Variants in ENTREP2 observed in about 807,000 individuals in gnomAD.
ENTREP2 encodes the protein protein ENTREP2.
chr15:29,592,656 CT>C, the ENTREP2 span, among the ~76,000 whole-genome samples: 1 of 152,168 alleles, frequency 6.6e-6, no homozygotes, highest in Non-Finnish European at 1.5e-5. Context: ...GATGTTTCAC[CT>C]CTTCAAACCT....
the ENTREP2 span, among the ~76,000 whole-genome samples, chr15:29,401,174 T>C: frequency 6.6e-6 from 1 of 152,168 alleles, no homozygotes; most frequent in Non-Finnish European, 1.5e-5. Context: ...TGGTTTTTAA[T>C]GTAGCATTAT....
the ENTREP2 span, among the ~76,000 whole-genome samples, chr15:29,491,116 C>G: frequency 6.6e-6 from 1 of 152,186 alleles, no homozygotes; most frequent in Admixed American, 6.5e-5. Context: ...GCTGGTGGCC[C>G]AGGTACTAAG....
chr15:29,269,386 T>C, the ENTREP2 span: 3 of 1,614,196 alleles, frequency 1.9e-6, no homozygotes, highest in Non-Finnish European at 2.5e-6. Flanking sequence ...GTCGGCCCGC[T>C]TGATCGGAAT....
chr15:29,123,599 C>T, the ENTREP2 span: 1 of 1,551,652 alleles, frequency 6.4e-7, no homozygotes. Context: ...GTATCTGGGT[C>T]CCCCGCTGGT....
At chr15:29,581,681 G>T in the ENTREP2 span, among the ~76,000 whole-genome samples, 1 of 151,598 alleles carries the variant, frequency 6.6e-6, no homozygotes, top group Non-Finnish European at 1.5e-5. Context: ...TAGGTTTACT[G>T]CAATTCCTAT....
At chr15:29,130,113 C>G in the ENTREP2 span, among the ~76,000 whole-genome samples, 1 of 152,186 alleles carries the variant, frequency 6.6e-6, no homozygotes, top group African/African-American at 2.4e-5. Flanking sequence ...GGGCTGCAGC[C>G]TTCCCACCCA....
chr15:29,386,586 G>C, the ENTREP2 span, among the ~76,000 whole-genome samples: 13 of 152,176 alleles, frequency 8.5e-5, no homozygotes, highest in Admixed American at 8.5e-4. Context: ...ACAATTGTTA[G>C]GGACTAAATG....
the ENTREP2 span, among the ~76,000 whole-genome samples, chr15:29,389,922 T>C: frequency 6.6e-6 from 1 of 152,170 alleles, no homozygotes; most frequent in Admixed American, 6.5e-5. Flanking sequence ...CCCTCCCTGA[T>C]ACCGGAAACA....
the ENTREP2 span, among the ~76,000 whole-genome samples, chr15:29,657,266 A>G: frequency 1.3e-5 from 2 of 151,284 alleles, no homozygotes; most frequent in Non-Finnish European, 1.5e-5. Context: ...TCACCGTATT[A>G]GCCAGGATGG....
chr15:29,324,505 T>C, the ENTREP2 span, among the ~76,000 whole-genome samples: 1 of 152,176 alleles, frequency 6.6e-6, no homozygotes, highest in African/African-American at 2.4e-5. Context: ...CAACTATATG[T>C]AGTCTACAAA....
chr15:29,584,781 AT>A, the ENTREP2 span, among the ~76,000 whole-genome samples: 21 of 152,302 alleles, frequency 1.4e-4, 1 homozygote, highest in Admixed American at 1.1e-3. Flanking sequence ...TGTATTTTGT[AT>A]TTGAAATTTG....
the ENTREP2 span, among the ~76,000 whole-genome samples, chr15:29,478,019 A>ATATT: frequency 2.4e-3 from 132 of 54,264 alleles, no homozygotes; most frequent in Non-Finnish European, 3.3e-3. Flanking sequence ...ATATATATAT[A>ATATT]TTTTTTTTTT....
At chr15:29,503,302 T>C in the ENTREP2 span, among the ~76,000 whole-genome samples, 3 of 152,292 alleles carry the variant, frequency 2.0e-5, no homozygotes, top group Admixed American at 1.3e-4. Context: ...GGATGAACCT[T>C]GTAAACATTA....
At chr15:29,634,117 C>T in the ENTREP2 span, among the ~76,000 whole-genome samples, 111 of 152,200 alleles carry the variant, frequency 7.3e-4, 1 homozygote, top group African/African-American at 2.4e-3. Flanking sequence ...GCCCTGGAGA[C>T]GAGGTCTTCA....
chr15:29,542,392 G>A, the ENTREP2 span, among the ~76,000 whole-genome samples: 4 of 151,794 alleles, frequency 2.6e-5, no homozygotes, highest in East Asian at 2.0e-4. Flanking sequence ...TCCACTTCCC[G>A]GGTTCACGCC....
chr15:29,218,520 C>G, the ENTREP2 span, among the ~76,000 whole-genome samples: 5 of 152,140 alleles, frequency 3.3e-5, no homozygotes, highest in South Asian at 2.1e-4. Context: ...CAAGACTAAG[C>G]AAAAAGAACA....
the ENTREP2 span, among the ~76,000 whole-genome samples, chr15:29,204,787 A>G: frequency 1.3e-5 from 2 of 152,210 alleles, no homozygotes; most frequent in Non-Finnish European, 2.9e-5. Flanking sequence ...ACAAAGCTAC[A>G]AAAACTAGAC....
the ENTREP2 span, among the ~76,000 whole-genome samples, chr15:29,673,806 G>A: frequency 2.6e-5 from 4 of 152,178 alleles, no homozygotes; most frequent in Non-Finnish European, 2.9e-5. Flanking sequence ...GAATGACAAG[G>A]ACAGCTTGGG....
chr15:29,671,835 A>G, the ENTREP2 span, among the ~76,000 whole-genome samples: 1 of 152,104 alleles, frequency 6.6e-6, no homozygotes, highest in African/African-American at 2.4e-5. Context: ...AGAGGCTGTG[A>G]TCCCCATCAA....
Sources: allele counts gnomAD v4.1 joint callset (sites outside exome capture counted in the v4.1 genomes callset), GRCh38; gene constraint gnomAD v4.1.1; transcripts MANE v1.5; gene names NCBI Gene and HGNC (gene_info 2026-07-23, HGNC 2026-07-21).